ELOC: variants seen among roughly 807,000 people sequenced by gnomAD.
ELOC encodes the protein elongin C, also known as elongin-C.
For missense variants in ELOC, 38 were observed against 139.0 expected (o/e 0.27, Z 3.65); for synonymous variants, 40 against 51.3 (o/e 0.78, Z 0.94).
At chr8:73,959,848 T>G in intron 1 of ELOC, 30 bp from the exon 2 acceptor site, 1 of 1,236,942 alleles carries the variant, frequency 8.1e-7, no homozygotes. Flanking sequence ...ATATTAAGAT[T>G]AATGTTGCAA....
intron 2 of ELOC, among the ~76,000 whole-genome samples, chr8:73,959,356 G>C (rs1294614905): frequency 6.6e-6 from 1 of 152,152 alleles, no homozygotes; most frequent in Non-Finnish European, 1.5e-5. Context: ...CTATAAGCGT[G>C]AGCCACTGCA....
At chr8:73,964,729 C>T (rs763800377) in intron 1 of ELOC, 2 of 152,100 alleles carry the variant, frequency 1.3e-5, no homozygotes, top group South Asian at 4.1e-4. Context: ...AACTTCTGTT[C>T]ATCAAATACC....
At chr8:73,956,243 T>C (rs7822073) in intron 2 of ELOC, among the ~76,000 whole-genome samples, 189 bp from the exon 3 acceptor site, 105,262 of 152,000 alleles carry the variant, frequency 0.69, 37,641 homozygotes, top group African/African-American at 0.89. Context: ...AAATTAGCTG[T>C]GTGTGGTGGC....
chr8:73,969,582 T>A lies in ELOC; in HGVS notation c.-51+2495A>T, dbSNP rs200032996. The A allele has an allele frequency of 3.3e-5, 5 of 152,326 alleles. No individual in the cohort carries two copies. The East Asian group carries it at 9.7e-4, about 29-fold the overall frequency. 9.4% of individuals were successfully genotyped at this position (152,326 alleles called of 1,614,324 possible). A position where few individuals can be genotyped will look rare whatever the true frequency, so the allele number is the denominator to read the frequency against. On this transcript the variant is annotated intron_variant, in intron 1 of 3. Coordinates refer to ENST00000520242, the MANE Select transcript of ELOC (RefSeq NM_005648.4). The stretch of plus-strand genomic sequence containing the variant: ...TACCTCAAGGTCTTTGCATTTGTAA[T>A]TGCTGTTGTCCGAAAAGCTTTTAAA...
At chr8:73,965,362 A>G (rs1301052562) in intron 1 of ELOC, among the ~76,000 whole-genome samples, 1 of 151,942 alleles carries the variant, frequency 6.6e-6, no homozygotes, top group Non-Finnish European at 1.5e-5. Flanking sequence ...GAGCAAATGA[A>G]TTCTCATACA....
At chr8:73,969,939 T>C (rs1815242561) in intron 1 of ELOC, among the ~76,000 whole-genome samples, 1 of 152,222 alleles carries the variant, frequency 6.6e-6, no homozygotes, top group South Asian at 2.1e-4. Flanking sequence ...TCTTACTTAA[T>C]AACAACAATA....
At position 73,945,515 on chromosome 8, in the gene ELOC, A is replaced by G. The variant is rs1315822847; in HGVS notation, c.*1115T>C. 2.6e-5 allele frequency: 4 copies of G among 152,164 alleles called. No homozygotes were observed. The highest frequency in any genetic ancestry group is 2.6e-4 in the Admixed American group (4 of 15,264). 9.4% of individuals were successfully genotyped at this position (152,164 alleles called of 1,614,324 possible). ...CTGAGATAAAGACAATACTAAACCC[A>G]TCTCCAGTGCTTCTTTCCCCATGCA... On this transcript the variant is annotated 3_prime_UTR_variant, in exon 4 of 4. Coordinates refer to ENST00000520242, the MANE Select transcript of ELOC (RefSeq NM_005648.4).
At chr8:73,964,578 G>C (rs1489763036) in intron 1 of ELOC, 2 of 151,898 alleles carry the variant, frequency 1.3e-5, no homozygotes, top group African/African-American at 4.8e-5. Flanking sequence ...TTGAGGTCAG[G>C]AATTTGAGAC....
At chr8:73,969,457 C>G (rs1815212389) in intron 1 of ELOC, 2 of 152,218 alleles carry the variant, frequency 1.3e-5, no homozygotes, top group African/African-American at 4.8e-5. Flanking sequence ...ATTTACTTCC[C>G]TACTTACCAC....
intron 2 of ELOC, among the ~76,000 whole-genome samples, chr8:73,959,123 T>C (rs892078268): frequency 1.3e-5 from 2 of 152,216 alleles, no homozygotes; most frequent in African/African-American, 2.4e-5. Flanking sequence ...TCTGCAGGAC[T>C]GGAAATTGCT....
At chr8:73,970,860 A>AAAC (rs1815316030) in intron 1 of ELOC, among the ~76,000 whole-genome samples, 3 of 138,852 alleles carry the variant, frequency 2.2e-5, no homozygotes, top group African/African-American at 8.6e-5. Flanking sequence ...ACTAAAAAAC[A>AAAC]AAACAAAACA....
chr8:73,946,682 G>A lies in ELOC; in HGVS notation c.287C>T (p.Ala96Val). The change falls in exon 4 of 4, where the codon GCA becomes GTA. Residue 96 changes from alanine to valine, a missense_variant. Ala to Val is a moderately conservative substitution (Grantham distance 64). Coordinates refer to ENST00000520242, the MANE Select transcript of ELOC (RefSeq NM_005648.4). ...CAGCAGTTCCAGTGCAATTTCAGGT[G>A]CAATTGGGAATTCAGGAATCTCGGT... ...SSTEIPEFPI[A>V]PEIALELLMA... 1 of 1,611,482 alleles carries A rather than the reference G, an allele frequency of 6.2e-7. No individual in the cohort carries two copies. Among genetic ancestry groups the A allele is most frequent in the Non-Finnish European group, 8.5e-7 (1 of 1,179,132 alleles).
rs981529266 is a variant in ELOC at position 73,945,906 on chromosome 8, T to C, written c.*724A>G. The C allele has an allele frequency of 6.6e-6, 1 of 151,462 alleles. No individual in the cohort carries two copies. The highest frequency in any genetic ancestry group is 1.5e-5 in the Non-Finnish European group (1 of 68,012). The allele number at this position is 151,462 out of a possible 1,614,324, so 9.4% of individuals were successfully genotyped here. On this transcript the variant is annotated 3_prime_UTR_variant, in exon 4 of 4. Coordinates refer to ENST00000520242, the MANE Select transcript of ELOC (RefSeq NM_005648.4). ...AATAAATATTGCAAACGACGCTTTA[T>C]AGTCAATGCAAATACAGTACTTTGA...
intron 1 of ELOC, among the ~76,000 whole-genome samples, chr8:73,967,460 TTTC>T (rs1490881924): frequency 6.4e-5 from 9 of 140,500 alleles, no homozygotes; most frequent in Non-Finnish European, 1.3e-4. Flanking sequence ...TTTATATAAT[TTTC>T]TTTTCTTTTT....
At chr8:73,952,285 T>C (rs553121357) in intron 3 of ELOC, among the ~76,000 whole-genome samples, 183 of 152,100 alleles carry the variant, frequency 1.2e-3, no homozygotes, top group African/African-American at 4.1e-3. Flanking sequence ...GCACCTGTAA[T>C]CCCAGCTATT....
chr8:73,961,736 C>T (rs1814614792), intron 1 of ELOC, among the ~76,000 whole-genome samples: 1 of 152,150 alleles, frequency 6.6e-6, no homozygotes, highest in Non-Finnish European at 1.5e-5. Flanking sequence ...TGGTCTCGAA[C>T]TCCTGACCTC....
intron 1 of ELOC, among the ~76,000 whole-genome samples, chr8:73,966,249 T>G (rs1274422992): frequency 6.6e-6 from 1 of 152,112 alleles, no homozygotes; most frequent in African/African-American, 2.4e-5. Context: ...TACGGCATGG[T>G]GAAGAACTAA....
chr8:73,955,596 ACT>A (rs1375511883), intron 3 of ELOC: 1 of 264,820 alleles, frequency 3.8e-6, no homozygotes, highest in African/African-American at 2.3e-5. Flanking sequence ...ACAGAGCAAG[ACT>A]CTGTCTCAAA....
intron 3 of ELOC, among the ~76,000 whole-genome samples, chr8:73,948,254 C>G (rs1283800800): frequency 6.6e-6 from 1 of 151,724 alleles, no homozygotes; most frequent in African/African-American, 2.4e-5. Context: ...TTCTAATTCT[C>G]TCCCTGTGGG....
Sources: gnomAD v4.1 joint callset for allele counts (sites outside exome capture counted in the v4.1 genomes callset) on GRCh38, gnomAD v4.1.1 for gene constraint, MANE v1.5 for transcripts, NCBI Gene and HGNC (gene_info 2026-07-23, HGNC 2026-07-21) for gene names.